The following INPP4B variants were observed in gnomAD, a reference collection of about 807,000 sequenced individuals.
INPP4B encodes inositol polyphosphate 4-phosphatase type II.
Under a neutral mutation model 122.5 loss-of-function variants are expected in INPP4B, and 55 were observed. The ratio of observed to expected loss-of-function variants is 0.45; its 90% confidence interval spans 0.36 to 0.56. The LOEUF (loss-of-function observed/expected upper bound fraction) is 0.56, where lower values mean the gene tolerates loss of function less well. INPP4B is among the 20% of genes least tolerant of loss of function. The probability of loss-of-function intolerance (pLI) is 0.00; values close to 1 mark genes in which losing one functional copy is unlikely to be tolerated. For synonymous variants in INPP4B, 403 were observed against 388.7 expected, an observed-to-expected ratio of 1.04 and a Z score of -0.43; for missense variants, 1,000 against 1,097.7, an observed-to-expected ratio of 0.91 and a Z score of 1.26.
chr4:142,255,713 A>G (rs1490662149), intron 11 of INPP4B, among the ~76,000 whole-genome samples: 1 of 152,210 alleles, frequency 6.6e-6, no homozygotes, highest in Non-Finnish European at 1.5e-5. Context: ...GTAAGTCCTG[A>G]GTGACCTACA....
intron 7 of INPP4B, among the ~76,000 whole-genome samples, chr4:142,364,796 T>G (rs975755534): frequency 6.6e-6 from 1 of 152,008 alleles, no homozygotes; most frequent in African/African-American, 2.4e-5. Context: ...AACAAACTCA[T>G]GTGTGCTCCC....
At chr4:142,092,527 G>T (rs1780057734) in intron 23 of INPP4B, among the ~76,000 whole-genome samples, 1 of 152,116 alleles carries the variant, frequency 6.6e-6, no homozygotes, top group South Asian at 2.1e-4. Flanking sequence ...CTGACCTCAG[G>T]TGATCCACCC....
At chr4:142,544,688 C>T (rs1829350668) in intron 2 of INPP4B, among the ~76,000 whole-genome samples, 1 of 152,052 alleles carries the variant, frequency 6.6e-6, no homozygotes. Context: ...AGGGAGAGGC[C>T]TGTATGAGAC....
intron 1 of INPP4B, among the ~76,000 whole-genome samples, chr4:142,774,408 C>T (rs1773542762): frequency 6.6e-6 from 1 of 152,056 alleles, no homozygotes; most frequent in Non-Finnish European, 1.5e-5. Context: ...TATATTTGGA[C>T]AGCTTAATAA....
At chr4:142,491,683 G>A (rs963544048) in intron 2 of INPP4B, among the ~76,000 whole-genome samples, 3 of 151,844 alleles carry the variant, frequency 2.0e-5, no homozygotes, top group African/African-American at 7.3e-5. Flanking sequence ...GGCCAAGAGT[G>A]TGAATATATA....
intron 2 of INPP4B, among the ~76,000 whole-genome samples, chr4:142,499,109 A>G (rs10011782): frequency 0.36 from 54,552 of 152,008 alleles, 12,285 homozygotes; most frequent in African/African-American, 0.61. Flanking sequence ...CTTTGTAGTT[A>G]GGTAAAGCAG....
At chr4:142,787,467 C>T (rs977721066) in intron 1 of INPP4B, among the ~76,000 whole-genome samples, 2 of 152,026 alleles carry the variant, frequency 1.3e-5, no homozygotes, top group African/African-American at 4.8e-5. Context: ...ATTGCCCAGC[C>T]TCTAGAACTA....
At position 142,537,623 on chromosome 4, in the gene INPP4B, G is replaced by C. The variant is rs368807574; in HGVS notation, c.-190-74897C>G. ...ACTTTAAGCAAAATGATGGACAACA[G>C]GTCCTTGAATAATGTTTTTTGCAGC... On this transcript the variant is annotated intron_variant, in intron 2 of 25. Coordinates refer to ENST00000262992, the MANE Select transcript of INPP4B (RefSeq NM_001101669.3). 4.0e-5 allele frequency among the ~76,000 whole-genome samples: 6 copies of C among 151,730 alleles called. No individual in the cohort carries two copies. In the East Asian group the frequency reaches 9.7e-4, roughly 25 times the overall value.
intron 25 of INPP4B, among the ~76,000 whole-genome samples, chr4:142,035,625 C>T (rs17015285): frequency 0.015 from 2,302 of 152,248 alleles, 53 homozygotes; most frequent in African/African-American, 0.052. Flanking sequence ...GTTTATGTCT[C>T]TGCAGAAGAA....
At chr4:142,374,043 T>C (rs942318619) in intron 7 of INPP4B, among the ~76,000 whole-genome samples, 7 of 151,442 alleles carry the variant, frequency 4.6e-5, no homozygotes, top group African/African-American at 1.7e-4. Context: ...AGAAAAGGAG[T>C]GTGAATGAAC....
intron 10 of INPP4B, among the ~76,000 whole-genome samples, chr4:142,264,174 A>G (rs1741668721): frequency 6.6e-6 from 1 of 152,152 alleles, no homozygotes; most frequent in Non-Finnish European, 1.5e-5. Flanking sequence ...ATATAGTGAC[A>G]TGTGGTGGCA....
At chr4:142,537,429 T>TATATAGAGAGAG (rs1200701380) in intron 2 of INPP4B, among the ~76,000 whole-genome samples, 18 of 25,478 alleles carry the variant, frequency 7.1e-4, no homozygotes, top group Non-Finnish European at 9.2e-4. Flanking sequence ...TATATATATA[T>TATATAGAGAGAG]AGAGAGAGAG....
chr4:142,136,348 C>G (rs1804249358), intron 18 of INPP4B, among the ~76,000 whole-genome samples: 1 of 152,186 alleles, frequency 6.6e-6, no homozygotes, highest in African/African-American at 2.4e-5. Context: ...CCCTATTGGA[C>G]TTCACTGACA....
chr4:142,135,497 A>G (rs1026413850), intron 18 of INPP4B, among the ~76,000 whole-genome samples: 1 of 152,216 alleles, frequency 6.6e-6, no homozygotes, highest in Non-Finnish European at 1.5e-5. Flanking sequence ...CATGTTCTCC[A>G]TGGAAATGAC....
At chr4:142,196,528 AC>A (rs1296334927) in intron 14 of INPP4B, among the ~76,000 whole-genome samples, 3 of 151,992 alleles carry the variant, frequency 2.0e-5, no homozygotes, top group African/African-American at 7.3e-5. Context: ...ATTATATCTC[AC>A]CAGTTCTAAC....
chr4:142,756,937 G>T (rs1320590783), intron 1 of INPP4B, among the ~76,000 whole-genome samples: 2 of 152,128 alleles, frequency 1.3e-5, no homozygotes, highest in East Asian at 3.9e-4. Flanking sequence ...CTAAAAAGGA[G>T]TCCTACTGGT....
chr4:142,599,052 G>A (rs1170031215), intron 2 of INPP4B, among the ~76,000 whole-genome samples: 2 of 152,118 alleles, frequency 1.3e-5, no homozygotes, highest in Admixed American at 1.3e-4. Context: ...TTGTGTGTCT[G>A]GGGCTGTCAG....
chr4:142,228,741 A>T (rs941469151), intron 12 of INPP4B, among the ~76,000 whole-genome samples: 5 of 151,826 alleles, frequency 3.3e-5, no homozygotes, highest in African/African-American at 4.8e-5. Flanking sequence ...ACAATTAGAG[A>T]TAATATTTGA....
chr4:142,548,661 T>C (rs1178362496), intron 2 of INPP4B, among the ~76,000 whole-genome samples: 1 of 152,086 alleles, frequency 6.6e-6, no homozygotes, highest in Non-Finnish European at 1.5e-5. Flanking sequence ...ACAGAATCCT[T>C]GAAATGTGAG....
Sources: allele counts gnomAD v4.1 joint callset (sites outside exome capture counted in the v4.1 genomes callset), GRCh38; gene constraint gnomAD v4.1.1; transcripts MANE v1.5; gene names NCBI Gene and HGNC (gene_info 2026-07-23, HGNC 2026-07-21).